PCDHGA9: variants seen among roughly 807,000 people sequenced by gnomAD.
PCDHGA9 encodes protocadherin gamma subfamily A, 9, also known as protocadherin gamma-A9.
In PCDHGA9, 37 loss-of-function variants were observed where a neutral mutation model predicts 62.5. The observed-to-expected ratio is 0.59, with a 90% CI of 0.46 to 0.78. The LOEUF (loss-of-function observed/expected upper bound fraction) is 0.78. PCDHGA9 is among the 30% of genes least tolerant of loss of function. The probability of loss-of-function intolerance (pLI) is 0.00; values close to 1 mark genes in which losing one functional copy is unlikely to be tolerated. For missense variants in PCDHGA9, 1,138 were observed against 1,166.2 expected, an observed-to-expected ratio of 0.98 and a Z score of 0.35; for synonymous variants, 459 against 484.6, an observed-to-expected ratio of 0.95 and a Z score of 0.69.
chr5:141,432,305 G>T lies in PCDHGA9; in HGVS notation c.2424+26929G>T. 1 of 1,614,254 alleles carries T rather than the reference G, an allele frequency of 6.2e-7. No individual in the cohort carries two copies. Among genetic ancestry groups the T allele is most frequent in the African/African-American group, 1.3e-5 (1 of 75,072 alleles). ...CAACTCCGACACTGGGGTACTGTAT[G>T]CGCTGAGCTCCTTCGACTACGAGCA... On this transcript the variant is annotated intron_variant, in intron 1 of 3. Transcript: ENST00000573521. This position sits in a 1 kb window ranked among gnomAD's most constrained non-coding sequence, Gnocchi z 6.0.
intron 1 of PCDHGA9, chr5:141,410,295 T>G (rs1043971768): frequency 9.3e-6 from 15 of 1,613,864 alleles, no homozygotes; most frequent in Non-Finnish European, 1.3e-5. Context: ...GCCTTGGCCT[T>G]AATCTCAGTG....
At chr5:141,429,196 A>T (rs2097195436) in intron 1 of PCDHGA9, 2 of 151,994 alleles carry the variant, frequency 1.3e-5, no homozygotes, top group African/African-American at 4.8e-5. Context: ...ACACACACAC[A>T]CACACACACG....
At chr5:141,413,550 A>C (rs2095653911) in intron 1 of PCDHGA9, 1 of 1,613,974 alleles carries the variant, frequency 6.2e-7, no homozygotes, top group Non-Finnish European at 8.5e-7. Context: ...GGATAGAAAT[A>C]GAAGTAACTG....
intron 2 of PCDHGA9, among the ~76,000 whole-genome samples, chr5:141,504,039 AC>A (rs1396515708): frequency 6.6e-6 from 1 of 152,184 alleles, no homozygotes; most frequent in African/African-American, 2.4e-5. Context: ...CATTTAGGCA[AC>A]AAATATTTAT....
chr5:141,420,311 T>G (rs762191274), intron 1 of PCDHGA9: 1 of 1,454,814 alleles, frequency 6.9e-7, no homozygotes, highest in Non-Finnish European at 9.3e-7. Flanking sequence ...CTTTTTATAT[T>G]ACAATATGCC....
At chr5:141,466,201 T>C (rs985163022) in intron 1 of PCDHGA9, among the ~76,000 whole-genome samples, 1 of 152,006 alleles carries the variant, frequency 6.6e-6, no homozygotes, top group African/African-American at 2.4e-5. Context: ...GACACAGCCT[T>C]GCTCTGTTAC....
intron 1 of PCDHGA9, chr5:141,441,810 C>T (rs2098275091): frequency 6.4e-5 from 24 of 372,574 alleles, no homozygotes; most frequent in Middle Eastern, 7.2e-4. Flanking sequence ...GGTGCTGTAC[C>T]CCAGCTCTGG....
Position 141,487,933 on chromosome 5 carries a change from A to G in PCDHGA9, c.2425-6874A>G. ...CACAGGAGGCTACAGTGCACAGGGT[A>G]CAGTGCACCAGGCAGTCACTTGGAC... is the stretch of plus-strand genomic sequence containing the variant. On this transcript the variant is annotated intron_variant, in intron 1 of 3. Coordinates refer to ENST00000573521, the MANE Select transcript of PCDHGA9 (RefSeq NM_018921.3). This position sits in a 1 kb window ranked among gnomAD's most constrained non-coding sequence, Gnocchi z 5.0. 1 of 612,006 alleles carries G rather than the reference A, an allele frequency of 1.6e-6. No homozygotes were observed. Among genetic ancestry groups the G allele is most frequent in the South Asian group, 2.0e-5 (1 of 49,074 alleles). The allele number at this position is 612,006 out of a possible 1,614,324, so 37.9% of individuals were successfully genotyped here. A position where few individuals can be genotyped will look rare whatever the true frequency, so the allele number is the denominator to read the frequency against.
At position 141,405,317 on chromosome 5, in the gene PCDHGA9, G is replaced by A. The variant is rs1443108777; in HGVS notation, c.2365G>A (p.Glu789Lys). ...LISQQSCEKN[E>K]PLCVSVDSKF... ...CAGCCAGCAGAGCTGTGAGAAAAAT[G>A]AGCCTTTGTGCGTCTCTGTTGATTC... The change falls in exon 1 of 4, where the codon GAG (glutamate) becomes AAG (lysine). Residue 789 changes from glutamate to lysine, a missense_variant. Glu to Lys is a moderately conservative substitution (Grantham distance 56). Coordinates refer to ENST00000573521, the MANE Select transcript of PCDHGA9 (RefSeq NM_018921.3). 2.5e-6 allele frequency: 4 copies of A among 1,614,080 alleles called. No individual in the cohort carries two copies. The African/African-American group carries it at 5.3e-5, about 22-fold the overall frequency.
chr5:141,495,726 C>T (rs2099763293), intron 2 of PCDHGA9, among the ~76,000 whole-genome samples: 1 of 152,070 alleles, frequency 6.6e-6, no homozygotes, highest in Non-Finnish European at 1.5e-5. Flanking sequence ...ACACGGGACC[C>T]TTAGTCTCTT....
At chr5:141,501,290 TACACACACACACACACAC>T (rs55762287) in intron 2 of PCDHGA9, among the ~76,000 whole-genome samples, 6 of 136,162 alleles carry the variant, frequency 4.4e-5, no homozygotes, top group South Asian at 2.4e-4. Flanking sequence ...TATTCCCTTA[TACACACACACACACACAC>T]ACACACACAC....
At chr5:141,468,877 T>C (rs1321110515) in intron 1 of PCDHGA9, among the ~76,000 whole-genome samples, 2 of 149,546 alleles carry the variant, frequency 1.3e-5, no homozygotes, top group African/African-American at 4.9e-5. Context: ...AAAATAATAA[T>C]AATAATAATA....
chr5:141,429,879 A>T (rs2097250861), intron 1 of PCDHGA9, among the ~76,000 whole-genome samples: 1 of 152,210 alleles, frequency 6.6e-6, no homozygotes, highest in African/African-American at 2.4e-5. Context: ...TCTTTTACTA[A>T]GTTTCCTGAA....
intron 1 of PCDHGA9, chr5:141,420,119 T>C: frequency 6.2e-7 from 1 of 1,614,044 alleles, no homozygotes; most frequent in Non-Finnish European, 8.5e-7. Context: ...TGCCTATAAT[T>C]TTTGTGTGCC....
At chr5:141,436,305 T>C (rs2097810667) in intron 1 of PCDHGA9, among the ~76,000 whole-genome samples, 1 of 152,184 alleles carries the variant, frequency 6.6e-6, no homozygotes. Flanking sequence ...AGTTAGAGCA[T>C]GAATAGTCAA....
Position 141,489,819 on chromosome 5 carries a change from G to T in PCDHGA9, c.2425-4988G>T. On this transcript the variant is annotated intron_variant, in intron 1 of 3. Transcript: ENST00000573521. This position sits in a 1 kb window ranked among gnomAD's most constrained non-coding sequence, Gnocchi z 4.5. ...TAAAAGATGGGAAGCCATTCCCAGA[G>T]CTGGTGCTAGAGCAGCAGCTGGATC... 6.2e-7 allele frequency: 1 copy of T among 1,614,190 alleles called. No homozygotes were observed.
rs996153387 is a variant in PCDHGA9, at chr5:141,491,985, G to A, written c.2425-2822G>A. 24 of 743,298 alleles carry A rather than the reference G, an allele frequency of 3.2e-5. No homozygotes were observed. Among genetic ancestry groups the A allele is most frequent in the Non-Finnish European group, 4.5e-5 (22 of 494,254 alleles). 46.0% of individuals were successfully genotyped at this position (743,298 alleles called of 1,614,324 possible). On this transcript the variant is annotated intron_variant, in intron 1 of 3. Transcript: ENST00000573521. The surrounding 1 kb of genome is among the most constrained non-coding windows in gnomAD (Gnocchi z 6.9). ...AGGCCGGGGCCTCCTTCGAGCTTCC[G>A]GTGAATTTCGGGCGATTTCCGCGGG...
chr5:141,413,541 GATAGAA>G (rs2095653692), intron 1 of PCDHGA9: 1 of 1,613,904 alleles, frequency 6.2e-7, no homozygotes, highest in Non-Finnish European at 8.5e-7. Flanking sequence ...AACTTTTTGG[GATAGAA>G]ATAGAAGTAA....
chr5:141,419,103 C>A, intron 1 of PCDHGA9: 1 of 1,613,886 alleles, frequency 6.2e-7, no homozygotes, highest in South Asian at 1.1e-5. Flanking sequence ...CGGGAGCAGA[C>A]CCCAGAGTAC....
Sources: gnomAD v4.1 joint callset for allele counts (sites outside exome capture counted in the v4.1 genomes callset) on GRCh38, gnomAD v4.1.1 for gene constraint, Gnocchi (gnomAD v3.1) non-coding constraint, MANE v1.5 for transcripts, NCBI Gene and HGNC (gene_info 2026-07-23, HGNC 2026-07-21) for gene names.